Variants in CACNA2D1 observed in about 807,000 individuals in gnomAD.
The protein encoded by CACNA2D1 is voltage-dependent calcium channel subunit alpha-2/delta-1.
In CACNA2D1, 53 loss-of-function variants were observed where a neutral mutation model predicts 171.5. The observed-to-expected ratio is 0.31, with a 90% CI of 0.25 to 0.39. The LOEUF is 0.39. Ranked by LOEUF, CACNA2D1 falls within the 10% of genes least tolerant of loss-of-function variation. The pLI is 1.00. For synonymous variants in CACNA2D1, 442 were observed against 443.1 expected (o/e 1.00, Z 0.03); for missense variants, 903 against 1,299.8 (o/e 0.69, Z 4.69).
In CACNA2D1 at chr7:82,170,674, T is replaced by C. The variant is rs73705856; in HGVS notation, c.295-65A>G. 0.032 allele frequency: 45,521 copies of C among 1,409,968 alleles called. 1,602 individuals are homozygous for C. Among genetic ancestry groups the C allele is most frequent in the African/African-American group, 0.17 (12,184 of 71,130 alleles). 87.3% of individuals were successfully genotyped at this position (1,409,968 alleles called of 1,614,324 possible). On this transcript the variant is annotated intron_variant, in intron 3 of 38. Coordinates refer to ENST00000356860, the MANE Select transcript of CACNA2D1 (RefSeq NM_000722.4). ...CGTAATATGGAATTGTTATATAAAA[T>C]GCTTGCGCTTTCTAATCAATTTTGA...
At chr7:82,117,567 C>A (rs1335492068) in intron 5 of CACNA2D1, among the ~76,000 whole-genome samples, 1 of 152,178 alleles carries the variant, frequency 6.6e-6, no homozygotes, top group Non-Finnish European at 1.5e-5. Context: ...GGGCAGATCA[C>A]TTGAGCCCAG....
In CACNA2D1 at chr7:82,005,803, A is replaced by G. The variant is rs1799061625; in HGVS notation, c.1477T>C (p.Ser493Pro). 6.2e-7 allele frequency: 1 copy of G among 1,609,568 alleles called. No individual in the cohort carries two copies. The highest frequency in any genetic ancestry group is 1.3e-5 in the African/African-American group (1 of 74,818). Reference sequence around the variant, plus strand: ...GTCAGTCTTTTAATATCTTCCAAAGACACATCTACTCCCATCACACCAAGA... The same window carrying G: ...GTCAGTCTTTTAATATCTTCCAAAGGCACATCTACTCCCATCACACCAAGA... ...LILGVMGVDV[S>P]LEDIKRLTPR... The change falls in exon 17 of 39, where the codon TCT becomes CCT. Residue 493 changes from serine (S) to proline (P), a missense_variant. Ser to Pro is a moderately conservative substitution (Grantham distance 74, BLOSUM62 -1). Around this residue, in one of 5 missense-constraint regions of CACNA2D1, gnomAD observed 623 missense variants for 925.5 expected, o/e 0.67. Coordinates refer to ENST00000356860, the MANE Select transcript of CACNA2D1 (RefSeq NM_000722.4).
intron 19 of CACNA2D1, among the ~76,000 whole-genome samples, chr7:81,995,863 T>G (rs1471846100): frequency 6.6e-6 from 1 of 151,574 alleles, no homozygotes; most frequent in Non-Finnish European, 1.5e-5. Flanking sequence ...CGACTGGCAA[T>G]TCTCAGAAGT....
intron 3 of CACNA2D1, among the ~76,000 whole-genome samples, chr7:82,216,905 A>G (rs1029268201): frequency 2.0e-5 from 3 of 151,788 alleles, no homozygotes; most frequent in African/African-American, 7.2e-5. Context: ...AAAAAAAAAA[A>G]AAAGAAAGCT....
intron 6 of CACNA2D1, among the ~76,000 whole-genome samples, chr7:82,112,486 T>C (rs1788580980): frequency 6.6e-6 from 1 of 152,204 alleles, no homozygotes; most frequent in South Asian, 2.1e-4. Context: ...ATACAGACTT[T>C]AGAGCACAAC....
chr7:82,021,559 C>CTGATATGCCTATGTACTG (rs1200640814), intron 12 of CACNA2D1, among the ~76,000 whole-genome samples: 38 of 152,058 alleles, frequency 2.5e-4, no homozygotes, highest in Admixed American at 2.4e-3. Flanking sequence ...ATATGACCAA[C>CTGATATGCCTATGTACTG]ATATCTGCTA....
chr7:82,070,685 G>T (rs1456088873), intron 7 of CACNA2D1, among the ~76,000 whole-genome samples: 5 of 152,152 alleles, frequency 3.3e-5, no homozygotes, highest in African/African-American at 1.2e-4. Flanking sequence ...GTATGAACTT[G>T]TCATATGGTC....
intron 3 of CACNA2D1, among the ~76,000 whole-genome samples, chr7:82,218,027 C>A (rs1020679694): frequency 5.9e-5 from 9 of 151,792 alleles, no homozygotes; most frequent in African/African-American, 2.2e-4. Context: ...CTCCGCCTCC[C>A]GGGTTCATGC....
intron 4 of CACNA2D1, among the ~76,000 whole-genome samples, chr7:82,161,755 G>T (rs1290694621): frequency 6.6e-6 from 1 of 152,012 alleles, no homozygotes; most frequent in Non-Finnish European, 1.5e-5. Flanking sequence ...AAAACAGCAA[G>T]CATGTCATCG....
intron 6 of CACNA2D1, among the ~76,000 whole-genome samples, chr7:82,096,133 A>G (rs1811833355): frequency 6.6e-6 from 1 of 152,346 alleles, no homozygotes; most frequent in East Asian, 1.9e-4. Context: ...TGAGCACGAG[A>G]ATAGGCACAC....
intron 6 of CACNA2D1, among the ~76,000 whole-genome samples, chr7:82,098,612 G>A (rs535505491): frequency 6.6e-6 from 1 of 152,242 alleles, no homozygotes; most frequent in South Asian, 2.1e-4. Flanking sequence ...CTTACAGCAA[G>A]CCTCAAGAGA....
At chr7:82,121,586 A>G (rs1789740818) in intron 5 of CACNA2D1, among the ~76,000 whole-genome samples, 1 of 152,158 alleles carries the variant, frequency 6.6e-6, no homozygotes, top group South Asian at 2.1e-4. Context: ...TTAAGCTGCT[A>G]TTTTCTCCTA....
chr7:82,222,049 C>A (rs1298793925), intron 3 of CACNA2D1, among the ~76,000 whole-genome samples: 1 of 152,000 alleles, frequency 6.6e-6, no homozygotes, highest in Non-Finnish European at 1.5e-5. Flanking sequence ...AGGTCACATT[C>A]TTTTAGGTGA....
Position 81,997,169 on chromosome 7 carries a change from T to A in CACNA2D1, c.1662+10A>T. On this transcript the variant is annotated intron_variant, in intron 19 of 38. Transcript: ENST00000356860. ...CTGAGGAATTGTTTAGTCTTACTGA[T>A]TCCACTCACCTCCACTTTAATATCA... 2.0e-6 allele frequency: 3 copies of A among 1,519,892 alleles called. No homozygotes were observed. The highest frequency in any genetic ancestry group is 2.7e-6 in the Non-Finnish European group (3 of 1,094,118). 94.2% of individuals were successfully genotyped at this position (1,519,892 alleles called of 1,614,324 possible).
At chr7:82,433,386 T>C (rs1010604478) in intron 1 of CACNA2D1, among the ~76,000 whole-genome samples, 1 of 152,128 alleles carries the variant, frequency 6.6e-6, no homozygotes, top group African/African-American at 2.4e-5. Flanking sequence ...CTCTCAAAAT[T>C]TGAATATTAC....
Position 81,950,339 on chromosome 7 carries a change from T to C in CACNA2D1, c.*53A>G, listed in dbSNP as rs1468577273. 6.2e-7 allele frequency: 1 copy of C among 1,612,498 alleles called. No homozygotes were observed. Among genetic ancestry groups the C allele is most frequent in the Non-Finnish European group, 8.5e-7 (1 of 1,179,076 alleles). On this transcript the variant is annotated 3_prime_UTR_variant, in exon 39 of 39. Coordinates refer to ENST00000356860, the MANE Select transcript of CACNA2D1 (RefSeq NM_000722.4). ...ACGTTACTGTAATTGAGGGCAGGGC[T>C]CATGTTTTGGCAGGGTCTGGAGTTT...
chr7:82,258,009 G>A (rs571446848), intron 3 of CACNA2D1, among the ~76,000 whole-genome samples: 2 of 152,266 alleles, frequency 1.3e-5, no homozygotes, highest in South Asian at 2.1e-4. Flanking sequence ...CCCAGTGTTG[G>A]AAGAGATGGG....
chr7:82,381,037 G>T (rs1823642694), intron 1 of CACNA2D1, among the ~76,000 whole-genome samples: 1 of 151,904 alleles, frequency 6.6e-6, no homozygotes, highest in African/African-American at 2.4e-5. Flanking sequence ...TGACGGCCGG[G>T]TGTGGTGGCT....
chr7:82,304,098 A>G (rs529035272), intron 3 of CACNA2D1, among the ~76,000 whole-genome samples: 3 of 152,240 alleles, frequency 2.0e-5, no homozygotes, highest in African/African-American at 7.2e-5. Flanking sequence ...AAAAAGTTCA[A>G]CATCGCTAAT....
Sources: gnomAD v4.1 joint callset for allele counts (sites outside exome capture counted in the v4.1 genomes callset) on GRCh38, gnomAD v4.1.1 for gene constraint, gnomAD v4.1.1 regional missense constraint, MANE v1.5 for transcripts, NCBI Gene and HGNC (gene_info 2026-07-23, HGNC 2026-07-21) for gene names.